Variants in TRRAP observed in about 807,000 individuals in gnomAD.
The protein encoded by TRRAP is transformation/transcription domain-associated protein.
TRRAP carries 41 observed loss-of-function variants against 438.8 expected under a neutral mutation model. The observed-to-expected ratio is 0.09, with a 90% CI of 0.07 to 0.12. The LOEUF is 0.12. Among genes scored for constraint, TRRAP ranks in the 10% least tolerant of loss-of-function variants. The pLI, the probability that TRRAP is intolerant of heterozygous loss-of-function variation, is 1.00. For synonymous variants in TRRAP, 1,994 were observed against 1,962.9 expected (o/e 1.02, Z -0.42); for missense variants, 3,122 against 5,055.1 (o/e 0.62, Z 11.60).
At position 98,949,437 on chromosome 7, in the gene TRRAP, C is replaced by A; in HGVS notation, c.4809C>A (p.Asp1603Glu). 6.3e-7 allele frequency: 1 copy of A among 1,577,968 alleles called. No homozygotes were observed. The highest frequency in any genetic ancestry group is 8.6e-7 in the Non-Finnish European group (1 of 1,166,584). ...TTCAGAGTTTTTTAAAACACAAAGA[C>A]GCCAGACCTCTGCGGGATGTGCTGG... The part of the protein sequence containing the change: ...RMFMSFLKHK[D>E]ARPLRDVLAA... The change falls in exon 36 of 73, where the codon GAC becomes GAA. Residue 1603 changes from aspartate to glutamate, a missense_variant. Coordinates refer to ENST00000456197, the MANE Select transcript of TRRAP (RefSeq NM_001375524.1).
At position 98,957,972 on chromosome 7, in the gene TRRAP, C is replaced by T. The variant is rs782012731; in HGVS notation, c.6232-9C>T. On this transcript the variant is annotated splice_polypyrimidine_tract_variant and intron_variant, in intron 43 of 72. Transcript: ENST00000456197. ...TTCTCTTCCTGCCTGAAAGGAGGTC[C>T]TTTTCCAGGTCTTTGGGAGGAGCCA... is the stretch of plus-strand genomic sequence containing the variant. 1 of 1,612,896 alleles carries T rather than the reference C, an allele frequency of 6.2e-7. No homozygotes were observed. The highest frequency in any genetic ancestry group is 8.5e-7 in the Non-Finnish European group (1 of 1,179,320).
chr7:98,999,029 G>A lies in TRRAP; in HGVS notation c.10309+4181G>A, dbSNP rs1793798060. The A allele has an allele frequency of 6.4e-6, 5 of 780,762 alleles. No homozygotes were observed. In the Admixed American group the frequency reaches 9.4e-5, roughly 15 times the overall value. The allele number at this position is 780,762 out of a possible 1,614,324, so 48.4% of individuals were successfully genotyped here. A position where few individuals can be genotyped will look rare whatever the true frequency, so the allele number is the denominator to read the frequency against. On this transcript the variant is annotated intron_variant, in intron 67 of 72. Coordinates refer to ENST00000456197, the MANE Select transcript of TRRAP (RefSeq NM_001375524.1). ...GGGCAGCACACCACATCTGCCACCA[G>A]CTCCAAGGTGGATGGGAGGAGAAGG...
chr7:98,921,611 G>A (rs1473555169), intron 20 of TRRAP, 142 bp from the exon 21 acceptor site: 11 of 1,041,372 alleles, frequency 1.1e-5, no homozygotes, highest in African/African-American at 1.6e-5. Flanking sequence ...CCTGACGTCA[G>A]GTGATCTACC....
Position 98,910,271 on chromosome 7 carries a change from C to T in TRRAP, c.1566C>T (p.Ala522=). 1 of 1,598,910 alleles carries T rather than the reference C, an allele frequency of 6.3e-7. No homozygotes were observed. Among genetic ancestry groups the T allele is most frequent in the South Asian group, 1.1e-5 (1 of 90,698 alleles). ...CACCTGCCACCCCTGTGACCCCGGC[C>T]CCCGTGCCTCCCTTCGAGAAGCAAG... ...PPPPATPVTP[A]PVPPFEKQGE... is the part of the protein sequence containing the mutation. The change falls in exon 15 of 73, where the codon GCC becomes GCT. Residue 522 remains alanine (A), a synonymous_variant. Transcript: ENST00000456197.
intron 27 of TRRAP, among the ~76,000 whole-genome samples, chr7:98,934,457 A>T (rs1790466440): frequency 6.6e-6 from 1 of 152,200 alleles, no homozygotes; most frequent in Non-Finnish European, 1.5e-5. Flanking sequence ...GGAAATGCAT[A>T]ACTTCCCTTG....
chr7:98,926,194 T>C (rs1790040496), intron 22 of TRRAP, among the ~76,000 whole-genome samples: 1 of 151,972 alleles, frequency 6.6e-6, no homozygotes, highest in Non-Finnish European at 1.5e-5. Flanking sequence ...ATCATTTACT[T>C]TTAACCCCTC....
At chr7:98,886,348 A>C (rs1479996667) in intron 3 of TRRAP, among the ~76,000 whole-genome samples, 2 of 151,978 alleles carry the variant, frequency 1.3e-5, no homozygotes, top group African/African-American at 4.8e-5. Context: ...ATAGATATAG[A>C]TATCTATATA....
Position 98,900,609 on chromosome 7 carries a change from T to A in TRRAP, c.801-15T>A. 6.2e-7 allele frequency: 1 copy of A among 1,600,298 alleles called. No individual in the cohort carries two copies. Among genetic ancestry groups the A allele is most frequent in the Non-Finnish European group, 8.5e-7 (1 of 1,174,894 alleles). Reference sequence around the variant, plus strand: ...CATAATTGAGAGGTAATATTTTTGTTCTCTTCTTATTCAGGCAACATAAGC... The same window carrying A: ...CATAATTGAGAGGTAATATTTTTGTACTCTTCTTATTCAGGCAACATAAGC... On this transcript the variant is annotated splice_polypyrimidine_tract_variant and intron_variant, in intron 10 of 72. Coordinates refer to ENST00000456197, the MANE Select transcript of TRRAP (RefSeq NM_001375524.1).
rs148426229 is a variant in TRRAP at position 99,004,732 on chromosome 7, T to C, written c.10535+317T>C. On this transcript the variant is annotated intron_variant, in intron 68 of 72. Coordinates refer to ENST00000456197, the MANE Select transcript of TRRAP (RefSeq NM_001375524.1). The stretch of plus-strand genomic sequence containing the variant: ...CAGTATTGAGGCAGAATCAGATGAT[T>C]GTAGCATTTCCTAGAGTGTGCTGCA... Among the ~76,000 whole-genome samples, 61 of 152,360 alleles carry C rather than the reference T, an allele frequency of 4.0e-4. No individual in the cohort carries two copies. In the East Asian group the frequency reaches 4.1e-3, roughly 10 times the overall value.
chr7:98,882,202 C>T (rs1795474969), intron 3 of TRRAP, among the ~76,000 whole-genome samples, 178 bp downstream of exon 3: 1 of 152,146 alleles, frequency 6.6e-6, no homozygotes, highest in Admixed American at 6.6e-5. Flanking sequence ...CATCTTCACG[C>T]TGGTGATAGC....
At position 98,993,599 on chromosome 7, in the gene TRRAP, G is replaced by A; in HGVS notation, c.9909G>A (p.Gly3303=). The change falls in exon 66 of 73, where the codon GGG becomes GGA. Residue 3303 remains glycine (G), a synonymous_variant. Transcript: ENST00000456197. ...AGTCCCATTCTGCATCAGATCCAGGGCCCATAAGAGCAACAGCACCCATGT... is the reference window on the plus strand; with the variant it reads ...AGTCCCATTCTGCATCAGATCCAGGACCCATAAGAGCAACAGCACCCATGT... ...GNQSHSASDP[G]PIRATAPMWR... is the part of the protein sequence containing the mutation. 6.2e-7 allele frequency: 1 copy of A among 1,614,054 alleles called. No individual in the cohort carries two copies.
At chr7:98,946,644 GACAACACACATGCACAC>G (rs1198726081) in intron 33 of TRRAP, among the ~76,000 whole-genome samples, 2 of 140,802 alleles carry the variant, frequency 1.4e-5, no homozygotes, top group African/African-American at 2.7e-5. Context: ...ACAATGCACT[GACAACACACATGCACAC>G]ACAACACACA....
rs1792682408 is a variant in TRRAP at position 98,976,846 on chromosome 7, A to G, written c.8247+76A>G. On this transcript the variant is annotated intron_variant, in intron 55 of 72. Coordinates refer to ENST00000456197, the MANE Select transcript of TRRAP (RefSeq NM_001375524.1). This position sits in a 1 kb window ranked among gnomAD's most constrained non-coding sequence, Gnocchi z 4.6. Reference sequence around the variant, plus strand: ...ACACTTTAAATAAATACTCCTCCCAAATGATTTCAAATGACAGCACAGTGA... The same window carrying G: ...ACACTTTAAATAAATACTCCTCCCAGATGATTTCAAATGACAGCACAGTGA... 6.3e-6 allele frequency: 10 copies of G among 1,599,766 alleles called. No individual in the cohort carries two copies. Among genetic ancestry groups the G allele is most frequent in the African/African-American group, 1.3e-5 (1 of 74,422 alleles).
chr7:98,974,576 A>G (rs535273377), intron 53 of TRRAP, among the ~76,000 whole-genome samples: 5 of 152,282 alleles, frequency 3.3e-5, no homozygotes, highest in Admixed American at 3.3e-4. Flanking sequence ...GGACTTGGGG[A>G]GCAGGAGCGG....
intron 38 of TRRAP, 143 bp downstream of exon 38, chr7:98,950,405 C>T (rs1791281213): frequency 9.9e-7 from 1 of 1,014,146 alleles, no homozygotes; most frequent in Non-Finnish European, 1.4e-6. Flanking sequence ...GCCTGTAATC[C>T]CAGGTACTCA....
At position 99,011,589 on chromosome 7, in the gene TRRAP, C is replaced by A; in HGVS notation, c.11337+54C>A. 2 of 1,567,426 alleles carry A rather than the reference C, an allele frequency of 1.3e-6. No individual in the cohort carries two copies. The highest frequency in any genetic ancestry group is 8.6e-7 in the Non-Finnish European group (1 of 1,157,254). ...CGCAGGCTAGAGCCACTCAGATGCC[C>A]GCGCGTCACGGCCTTGCAGGAGCTG... is the stretch of plus-strand genomic sequence containing the variant. On this transcript the variant is annotated intron_variant, in intron 72 of 72. Coordinates refer to ENST00000456197, the MANE Select transcript of TRRAP (RefSeq NM_001375524.1). This position sits in a 1 kb window ranked among gnomAD's most constrained non-coding sequence, Gnocchi z 7.1.
At chr7:98,969,370 C>T (rs969232519) in intron 51 of TRRAP, among the ~76,000 whole-genome samples, 1 of 152,212 alleles carries the variant, frequency 6.6e-6, no homozygotes, top group Non-Finnish European at 1.5e-5. Context: ...ACTCTTGCCA[C>T]TCAGGCTAAT....
At chr7:99,002,731 A>C (rs112630328) in intron 67 of TRRAP, among the ~76,000 whole-genome samples, 6,656 of 152,168 alleles carry the variant, frequency 0.044, 226 homozygotes, top group Middle Eastern at 0.092. Flanking sequence ...ATGAAAAAAA[A>C]ACACACACAC....
intron 63 of TRRAP, among the ~76,000 whole-genome samples, 185 bp from the exon 64 acceptor site, chr7:98,990,270 A>G (rs1793367036): frequency 6.6e-6 from 1 of 152,232 alleles, no homozygotes; most frequent in African/African-American, 2.4e-5. Flanking sequence ...CTATTTTTAA[A>G]TTTTAGGTTT....
Sources: gnomAD v4.1 joint callset for allele counts (sites outside exome capture counted in the v4.1 genomes callset) on GRCh38, gnomAD v4.1.1 for gene constraint, Gnocchi (gnomAD v3.1) non-coding constraint, MANE v1.5 for transcripts, NCBI Gene and HGNC (gene_info 2026-07-23, HGNC 2026-07-21) for gene names.